The following BOD1L1 variants were observed in gnomAD, a reference collection of about 807,000 sequenced individuals.
BOD1L1 encodes biorientation of chromosomes in cell division 1 like 1, also known as biorientation of chromosomes in cell division protein 1-like 1.
BOD1L1 carries 86 observed loss-of-function variants against 240.7 expected under a neutral mutation model. That is an observed-to-expected ratio of 0.36 (90% CI 0.30 to 0.43). BOD1L1 has a LOEUF of 0.43. Among genes scored for constraint, BOD1L1 ranks in the 20% least tolerant of loss-of-function variants. The pLI is 1.00. For synonymous variants in BOD1L1, 1,268 were observed against 1,272.3 expected (o/e 1.00, Z 0.07); for missense variants, 3,554 against 3,643.5 (o/e 0.98, Z 0.63).
chr4:13,627,148 A>C (rs560223153), intron 1 of BOD1L1, among the ~76,000 whole-genome samples, 197 bp downstream of exon 1: 50 of 152,358 alleles, frequency 3.3e-4, no homozygotes, highest in African/African-American at 1.1e-3. Flanking sequence ...CTGTGCCGAA[A>C]CCATGACTGG....
At chr4:13,571,282 A>C (rs539998508) in intron 25 of BOD1L1, among the ~76,000 whole-genome samples, 1 of 152,336 alleles carries the variant, frequency 6.6e-6, no homozygotes, top group African/African-American at 2.4e-5. Flanking sequence ...TCAATGAATC[A>C]AAGAGTTGGA....
Position 13,588,745 on chromosome 4 carries a change from T to C in BOD1L1, c.8257A>G (p.Ser2753Gly). 3.1e-6 allele frequency: 5 copies of C among 1,605,702 alleles called. No individual in the cohort carries two copies. In the South Asian group the frequency reaches 4.5e-5, roughly 14 times the overall value. Reference protein sequence around the residue: ...KDNAEAISGHSVEADPKEVEE... With the variant: ...KDNAEAISGHGVEADPKEVEE... ...ACCTCTTTAGGATCTGCTTCAACAC[T>C]GTGACCGCTTATGGCTTCTGCGTTG... The change falls in exon 15 of 26, where the codon AGT becomes GGT. Residue 2753 changes from serine (S) to glycine (G), a missense_variant. Ser to Gly is a moderately conservative substitution (Grantham distance 56, BLOSUM62 0). Coordinates refer to ENST00000040738, the MANE Select transcript of BOD1L1 (RefSeq NM_148894.3).
At chr4:13,616,401 A>G (rs1716596356) in intron 2 of BOD1L1, among the ~76,000 whole-genome samples, 1 of 152,244 alleles carries the variant, frequency 6.6e-6, no homozygotes, top group Non-Finnish European at 1.5e-5. Flanking sequence ...AGACACATGG[A>G]GTTAAGGAAA....
At chr4:13,576,323 T>C (rs1712735453) in intron 25 of BOD1L1, among the ~76,000 whole-genome samples, 1 of 152,104 alleles carries the variant, frequency 6.6e-6, no homozygotes. Flanking sequence ...CTGGCTACAA[T>C]AGGGTTTGAG....
At position 13,603,504 on chromosome 4, in the gene BOD1L1, A is replaced by C. The variant is rs1659011056; in HGVS notation, c.3396T>G (p.Phe1132Leu). 1 of 1,613,988 alleles carries C rather than the reference A, an allele frequency of 6.2e-7. No homozygotes were observed. Among genetic ancestry groups the C allele is most frequent in the African/African-American group, 1.3e-5 (1 of 75,040 alleles). ...IDSEPGVENV[F>L]EVSKTQDNRN... is the part of the protein sequence containing the mutation. ...GGTTGTCTTGGGTTTTAGATACTTC[A>C]AACACATTTTCAACACCTGGCTCAG... Residue 1132 changes from phenylalanine to leucine, a missense_variant, in exon 10 of 26, where the codon TTT (phenylalanine) becomes TTG (leucine). Transcript: ENST00000040738.
intron 1 of BOD1L1, among the ~76,000 whole-genome samples, chr4:13,620,889 C>T (rs144893716): frequency 1.3e-5 from 2 of 152,178 alleles, no homozygotes; most frequent in Non-Finnish European, 2.9e-5. Context: ...CAATGGTTCT[C>T]TACCAAGAAG....
In BOD1L1 at chr4:13,627,402, C is replaced by T. The variant is rs749322363; in HGVS notation, c.186G>A (p.Lys62=). ...GGAACTGGTCGAAGAGCCCCTGGCTCTTGAGGTGGTTCACGATCATGGCCA... is the reference window on the plus strand; with the variant it reads ...GGAACTGGTCGAAGAGCCCCTGGCTTTTGAGGTGGTTCACGATCATGGCCA... ...QLVAMIVNHL[K]SQGLFDQFRR... is the part of the protein sequence containing the mutation. Residue 62 remains lysine (K), a synonymous_variant, in exon 1 of 26, where the codon AAG becomes AAA. Coordinates refer to ENST00000040738, the MANE Select transcript of BOD1L1 (RefSeq NM_148894.3). 6.4e-6 allele frequency: 9 copies of T among 1,399,798 alleles called. No homozygotes were observed. In the Admixed American group the frequency reaches 6.8e-5, roughly 11 times the overall value. 86.7% of individuals were successfully genotyped at this position (1,399,798 alleles called of 1,614,324 possible). A position where few individuals can be genotyped will look rare whatever the true frequency, so the allele number is the denominator to read the frequency against.
chr4:13,612,655 T>C (rs1716262324), intron 5 of BOD1L1, among the ~76,000 whole-genome samples: 1 of 152,200 alleles, frequency 6.6e-6, no homozygotes, highest in African/African-American at 2.4e-5. Flanking sequence ...GTCTGGCCTT[T>C]ACCATTAGCT....
intron 5 of BOD1L1, among the ~76,000 whole-genome samples, chr4:13,612,945 T>C (rs1184760131): frequency 1.3e-5 from 2 of 152,178 alleles, no homozygotes; most frequent in African/African-American, 2.4e-5. Flanking sequence ...TTGTCAGACA[T>C]CAATGCAGAG....
chr4:13,586,888 A>G (rs536535135), intron 16 of BOD1L1, among the ~76,000 whole-genome samples: 2 of 152,362 alleles, frequency 1.3e-5, no homozygotes, highest in South Asian at 2.1e-4. Context: ...CTCTTTATCT[A>G]TAAGATGACA....
intron 2 of BOD1L1, 140 bp from the exon 3 acceptor site, chr4:13,615,642 A>G (rs1289354230): frequency 1.2e-6 from 1 of 805,924 alleles, no homozygotes; most frequent in Non-Finnish European, 1.9e-6. Context: ...TTACTTGGAT[A>G]TAGACAATGG....
At chr4:13,607,593 C>T (rs1433094421) in intron 8 of BOD1L1, among the ~76,000 whole-genome samples, 1 of 152,146 alleles carries the variant, frequency 6.6e-6, no homozygotes, top group African/African-American at 2.4e-5. Flanking sequence ...CCACCGCGCC[C>T]AGCTGTTTAC....
In BOD1L1 at chr4:13,613,792, G is replaced by C; in HGVS notation, c.1175-131C>G. 1 of 630,258 alleles carries C rather than the reference G, an allele frequency of 1.6e-6. No individual in the cohort carries two copies. 39.0% of individuals were successfully genotyped at this position (630,258 alleles called of 1,614,324 possible). ...GTCAAACTATCAAACAAGGCAGAGT[G>C]GTTTCCAGAAAATACAAAGGCAAAG... On this transcript the variant is annotated intron_variant, in intron 4 of 25. Coordinates refer to ENST00000040738, the MANE Select transcript of BOD1L1 (RefSeq NM_148894.3). The surrounding 1 kb of genome is among the most constrained non-coding windows in gnomAD (Gnocchi z 4.0).
chr4:13,609,568 C>T (rs1337129563), intron 6 of BOD1L1, among the ~76,000 whole-genome samples, 162 bp from the exon 7 acceptor site: 1 of 152,036 alleles, frequency 6.6e-6, no homozygotes, highest in African/African-American at 2.4e-5. Context: ...ACATTTATCT[C>T]TGTGTGTATA....
chr4:13,579,468 CTATT>C (rs1713044267), intron 22 of BOD1L1, among the ~76,000 whole-genome samples: 1 of 152,170 alleles, frequency 6.6e-6, no homozygotes. Context: ...TCTGACCATA[CTATT>C]TATTTGATAC....
Position 13,614,280 on chromosome 4 carries a change from C to T in BOD1L1, c.1090G>A (p.Ala364Thr), listed in dbSNP as rs540099652. 3 of 1,546,876 alleles carry T rather than the reference C, an allele frequency of 1.9e-6. No individual in the cohort carries two copies. Among genetic ancestry groups the T allele is most frequent in the African/African-American group, 2.8e-5 (2 of 72,708 alleles). The change falls in exon 4 of 26, where the codon GCA (alanine) becomes ACA (threonine). Residue 364 changes from alanine to threonine, a missense_variant. Coordinates refer to ENST00000040738, the MANE Select transcript of BOD1L1 (RefSeq NM_148894.3). ...DTQKVKDEKQ[A>T]KEKEVESLKL... is the part of the protein sequence containing the mutation. ...AAACTCTCTACTTCTTTTTCCTTTG[C>T]TTGTTTTTCATCTTTAACTTTCTGT...
At position 13,604,282 on chromosome 4, in the gene BOD1L1, T is replaced by G. The variant is rs1715483232; in HGVS notation, c.2618A>C (p.Glu873Ala). 6.2e-7 allele frequency: 1 copy of G among 1,607,294 alleles called. No homozygotes were observed. Among genetic ancestry groups the G allele is most frequent in the Non-Finnish European group, 8.5e-7 (1 of 1,178,394 alleles). The change falls in exon 10 of 26, where the codon GAA becomes GCA. Residue 873 changes from glutamate to alanine, a missense_variant. Transcript: ENST00000040738. Reference sequence around the variant, plus strand: ...AGTGGAGTCCATATCACACTTATCTTCCGAATAACTTTCACTTCTTCTCTG... The same window carrying G: ...AGTGGAGTCCATATCACACTTATCTGCCGAATAACTTTCACTTCTTCTCTG... The part of the protein sequence containing the change: ...TLQRRSESYS[E>A]DKCDMDSTNM...
intron 17 of BOD1L1, among the ~76,000 whole-genome samples, chr4:13,583,765 T>G (rs1713420295): frequency 6.6e-6 from 1 of 152,260 alleles, no homozygotes; most frequent in Non-Finnish European, 1.5e-5. Context: ...TGGGGTTTTT[T>G]GTTGTGGTTA....
chr4:13,580,476 T>C (rs1713138043), intron 21 of BOD1L1, among the ~76,000 whole-genome samples: 1 of 152,218 alleles, frequency 6.6e-6, no homozygotes, highest in Admixed American at 6.5e-5. Context: ...ACGTCTGTCC[T>C]CCTTACAATG....
Sources: gnomAD v4.1 joint callset for allele counts (sites outside exome capture counted in the v4.1 genomes callset) on GRCh38, gnomAD v4.1.1 for gene constraint, Gnocchi (gnomAD v3.1) non-coding constraint, MANE v1.5 for transcripts, NCBI Gene and HGNC (gene_info 2026-07-23, HGNC 2026-07-21) for gene names.